The following PSIP1 variants were observed in gnomAD, a reference collection of about 807,000 sequenced individuals.
PSIP1 encodes PC4 and SFRS1-interacting protein.
PSIP1 carries 19 observed loss-of-function variants against 74.7 expected under a neutral mutation model. The ratio of observed to expected loss-of-function variants is 0.25; its 90% CI spans 0.18 to 0.37. The LOEUF (loss-of-function observed/expected upper bound fraction) is 0.37. PSIP1 is among the 10% of genes least tolerant of loss of function. The pLI, the probability that PSIP1 is intolerant of heterozygous loss-of-function variation, is 1.00. For synonymous variants in PSIP1, 222 were observed against 195.3 expected (o/e 1.14, Z -1.14); for missense variants, 601 against 614.3 (o/e 0.98, Z 0.23).
intron 15 of PSIP1, among the ~76,000 whole-genome samples, chr9:15,466,398 C>G (rs528806723): frequency 6.7e-6 from 1 of 149,468 alleles, no homozygotes; most frequent in South Asian, 2.1e-4. Flanking sequence ...ACAACAACAA[C>G]AAAACTGTGA....
intron 10 of PSIP1, chr9:15,471,324 A>G: frequency 6.4e-7 from 1 of 1,566,878 alleles, no homozygotes; most frequent in Non-Finnish European, 8.8e-7. Context: ...GTCCAAGTAC[A>G]AAGTTTTGTA....
chr9:15,488,383 C>T (rs1291829134), intron 4 of PSIP1, among the ~76,000 whole-genome samples: 3 of 152,048 alleles, frequency 2.0e-5, no homozygotes, highest in Non-Finnish European at 4.4e-5. Context: ...CACTTTGTTG[C>T]TACCTCGCTT....
At chr9:15,468,054 AG>A (rs147340477) in intron 14 of PSIP1, among the ~76,000 whole-genome samples, 16,565 of 148,858 alleles carry the variant, frequency 0.11, 1,652 homozygotes, top group African/African-American at 0.27. Context: ...CAGAAGGTGG[AG>A]GGTTGTGGTG....
chr9:15,495,796 C>T (rs1324439992), intron 3 of PSIP1, among the ~76,000 whole-genome samples: 1 of 152,154 alleles, frequency 6.6e-6, no homozygotes, highest in Admixed American at 6.5e-5. Flanking sequence ...ATTACAACTA[C>T]CTTTTTCATT....
chr9:15,477,194 T>C (rs897661750), intron 8 of PSIP1, among the ~76,000 whole-genome samples: 2 of 152,052 alleles, frequency 1.3e-5, no homozygotes, highest in African/African-American at 4.8e-5. Context: ...AAGTATGTTG[T>C]ATTTTTCTGC....
Position 15,490,054 on chromosome 9 carries a change from T to G in PSIP1, c.220A>C (p.Arg74=). The G allele has an allele frequency of 6.2e-7, 1 of 1,606,638 alleles. No individual in the cohort carries two copies. The highest frequency in any genetic ancestry group is 8.5e-7 in the Non-Finnish European group (1 of 1,176,424). ...CATAAACCTTCATTAAAACCTTTTC[T>G]TTTATTTGGTTTGCCATACTTTTCC... ...NKEKYGKPNK[R]KGFNEGLWEI... is the part of the protein sequence containing the mutation. The change falls in exon 4 of 16, where the codon AGA becomes CGA. Residue 74 remains arginine, a synonymous_variant. Coordinates refer to ENST00000380733, the MANE Select transcript of PSIP1 (RefSeq NM_033222.5).
At chr9:15,468,383 C>T in intron 14 of PSIP1, 1 of 707,934 alleles carries the variant, frequency 1.4e-6, no homozygotes, top group Non-Finnish European at 2.6e-6. Flanking sequence ...ATTGTTTATC[C>T]AGAGTCATCT....
chr9:15,468,295 G>T (rs902126035), intron 14 of PSIP1: 1 of 557,378 alleles, frequency 1.8e-6, no homozygotes, highest in South Asian at 1.4e-5. Flanking sequence ...TAGGTGAGAA[G>T]AAAACAGAAG....
At chr9:15,477,717 C>A (rs984165088) in intron 8 of PSIP1, among the ~76,000 whole-genome samples, 9 of 151,778 alleles carry the variant, frequency 5.9e-5, no homozygotes, top group East Asian at 3.9e-4. Context: ...ATGCAAAAAA[C>A]CAAAAAACAC....
chr9:15,497,239 A>T (rs938850524), intron 3 of PSIP1, among the ~76,000 whole-genome samples: 1 of 152,080 alleles, frequency 6.6e-6, no homozygotes, highest in Non-Finnish European at 1.5e-5. Context: ...GTACTATCAC[A>T]TCCAGGCTAG....
intron 8 of PSIP1, among the ~76,000 whole-genome samples, chr9:15,476,846 T>A (rs1473836082): frequency 1.3e-5 from 2 of 152,118 alleles, no homozygotes; most frequent in Non-Finnish European, 2.9e-5. Flanking sequence ...CCTAAAAAGG[T>A]ACACTGGGCC....
chr9:15,485,104 A>C (rs1210054954), intron 6 of PSIP1, among the ~76,000 whole-genome samples: 1 of 152,140 alleles, frequency 6.6e-6, no homozygotes, highest in Non-Finnish European at 1.5e-5. Flanking sequence ...AATTTTTTAA[A>C]AGGAGGTATC....
Position 15,472,702 on chromosome 9 carries a change from G to C in PSIP1, c.907C>G (p.Leu303Val), listed in dbSNP as rs1219283433. The change falls in exon 10 of 16, where the codon CTG becomes GTG. Residue 303 changes from leucine (L) to valine (V), a missense_variant. Physicochemically the swap from Leu to Val is conservative, Grantham distance 32. Coordinates refer to ENST00000380733, the MANE Select transcript of PSIP1 (RefSeq NM_033222.5). ...NFQTAHRRNM[L>V]KGQHEKEAAD... The stretch of plus-strand genomic sequence containing the variant: ...GCTTCTTTCTCATGTTGGCCTTTCA[G>C]CATATTCCTTCTGTGAGCAGTCTGA... 1 of 1,609,016 alleles carries C rather than the reference G, an allele frequency of 6.2e-7. No homozygotes were observed. Among genetic ancestry groups the C allele is most frequent in the Non-Finnish European group, 8.5e-7 (1 of 1,178,776 alleles).
At chr9:15,468,379 T>G (rs749777776) in intron 14 of PSIP1, 2 of 700,452 alleles carry the variant, frequency 2.9e-6, no homozygotes, top group East Asian at 5.7e-5. Context: ...AAAAATTGTT[T>G]ATCCAGAGTC....
In PSIP1 at chr9:15,465,576, A is replaced by G. The variant is rs2035565668; in HGVS notation, c.1537T>C (p.Ser513Pro). The stretch of plus-strand genomic sequence containing the variant: ...ATTTCAGTCTCTCTCTCTTCACTGG[A>G]TGGCCTGAAGAAAAGGGGGAAAGGT... ...NHEASTKKKP[S>P]SEERETEISL... Residue 513 changes from serine to proline, a missense_variant, in exon 16 of 16, where the codon TCC becomes CCC. Physicochemically the swap from Ser to Pro is moderately conservative, Grantham distance 74. This residue lies in a region of PSIP1 where 538 missense variants were observed against 507.6 expected (regional missense o/e 1.06). Transcript: ENST00000380733. 6.3e-7 allele frequency: 1 copy of G among 1,581,206 alleles called. No individual in the cohort carries two copies. Among genetic ancestry groups the G allele is most frequent in the African/African-American group, 1.4e-5 (1 of 73,870 alleles).
intron 6 of PSIP1, among the ~76,000 whole-genome samples, chr9:15,484,301 A>T (rs200957794): frequency 0.02 from 2,990 of 150,228 alleles, 88 homozygotes; most frequent in South Asian, 0.11. Context: ...ATCAAAAAAA[A>T]AAATATATAT....
intron 2 of PSIP1, 60 bp downstream of exon 2, chr9:15,510,057 G>T (rs2037783626): frequency 1.8e-5 from 27 of 1,462,732 alleles, no homozygotes; most frequent in Non-Finnish European, 2.4e-5. Flanking sequence ...GACACGGTGG[G>T]CAGCAGGCCT....
chr9:15,505,373 C>T (rs1000755545), intron 3 of PSIP1: 38 of 152,214 alleles, frequency 2.5e-4, no homozygotes, highest in African/African-American at 8.9e-4. Context: ...ATTAAATTTA[C>T]TGAAGAGTTT....
At chr9:15,478,344 C>T in intron 8 of PSIP1, 133 bp downstream of exon 8, 3 of 753,814 alleles carry the variant, frequency 4.0e-6, no homozygotes, top group South Asian at 2.2e-5. Context: ...CCAGTTTTTC[C>T]TGTAATTTTA....
Sources: allele counts gnomAD v4.1 joint callset (sites outside exome capture counted in the v4.1 genomes callset), GRCh38; gene constraint gnomAD v4.1.1; regional missense constraint gnomAD v4.1.1; transcripts MANE v1.5; gene names NCBI Gene and HGNC (gene_info 2026-07-23, HGNC 2026-07-21).